Variants in AMT observed in about 807,000 individuals in gnomAD.
The protein encoded by AMT is aminomethyltransferase.
AMT carries 24 observed loss-of-function variants against 39.5 expected under a neutral mutation model. The ratio of observed to expected loss-of-function variants is 0.61; its 90% CI spans 0.44 to 0.86. The LOEUF is 0.86. AMT is among the 40% of genes least tolerant of loss of function. AMT has a pLI of 0.00. For synonymous variants in AMT, 210 were observed against 212.1 expected, an observed-to-expected ratio of 0.99 and a Z score of 0.09; for missense variants, 501 against 537.0, an observed-to-expected ratio of 0.93 and a Z score of 0.66.
rs972972652 is a variant in AMT, at chr3:49,417,597, C to G, written c.1155G>C (p.Gln385His). 6.2e-7 allele frequency: 1 copy of G among 1,614,144 alleles called. No individual in the cohort carries two copies. The highest frequency in any genetic ancestry group is 8.5e-7 in the Non-Finnish European group (1 of 1,179,970). Residue 385 changes from glutamine to histidine, a missense_variant, in exon 9 of 9, where the codon CAG becomes CAC. By Grantham distance (24) the Gln-to-His change is conservative. Transcript: ENST00000273588. ...MLLVEVRRKQQMAVVSKMPFV... is the reference protein window; with the variant it reads ...MLLVEVRRKQHMAVVSKMPFV... Reference sequence around the variant, plus strand: ...AGGGCATCTTGCTGACTACAGCCATCTGCTGCTTCCGCCGCACCTCTACCA... The same window carrying G: ...AGGGCATCTTGCTGACTACAGCCATGTGCTGCTTCCGCCGCACCTCTACCA...
rs921311833 is a variant in AMT at position 49,417,004 on chromosome 3, G to A, written c.*536C>T. 6.6e-5 allele frequency: 34 copies of A among 512,842 alleles called. No homozygotes were observed. The highest frequency in any genetic ancestry group is 1.2e-4 in the Non-Finnish European group (33 of 265,688). 31.8% of individuals were successfully genotyped at this position (512,842 alleles called of 1,614,324 possible). A position where few individuals can be genotyped will look rare whatever the true frequency, so the allele number is the denominator to read the frequency against. ...GGAAGAGTGAGTCTATGTTCCCTCA[G>A]CCATCCCCAAGTTTACACACAGGCA... is the stretch of plus-strand genomic sequence containing the variant. On this transcript the variant is annotated 3_prime_UTR_variant, in exon 9 of 9. Transcript: ENST00000273588.
intron 3 of AMT, 117 bp downstream of exon 3, chr3:49,421,375 A>C: frequency 1.2e-6 from 1 of 801,556 alleles, no homozygotes; most frequent in South Asian, 1.4e-5. Flanking sequence ...CCAAGACTGC[A>C]AGCCCTGAGA....
intron 2 of AMT, 32 bp from the exon 3 acceptor site, chr3:49,421,604 G>T: frequency 6.3e-7 from 1 of 1,585,832 alleles, no homozygotes; most frequent in Non-Finnish European, 8.7e-7. Flanking sequence ...TCAGGCCATT[G>T]CAACAGCTAC....
chr3:49,418,668 A>T (rs1282006949), intron 7 of AMT: 7 of 312,430 alleles, frequency 2.2e-5, no homozygotes, highest in Non-Finnish European at 3.7e-5. Context: ...TGCCCAGCTA[A>T]TTTTTTTTTT....
rs201643709 is a variant in AMT at position 49,422,187 on chromosome 3, C to T, written c.175G>A (p.Val59Met). Residue 59 changes from valine to methionine, a missense_variant, in exon 2 of 9, where the codon GTG becomes ATG. Val to Met is a conservative substitution (Grantham distance 21). Transcript: ENST00000273588. ...TCAGTGTGACTGTCCCGGTACTGCA[C>T]TGGCAGACTCCAACCCGCAAACGCC... ...MVAFAGWSLP[V>M]QYRDSHTDSH... 2 of 1,614,022 alleles carry T rather than the reference C, an allele frequency of 1.2e-6. No homozygotes were observed. The highest frequency in any genetic ancestry group is 2.2e-5 in the East Asian group (1 of 44,884).
chr3:49,418,289 T>C, intron 7 of AMT: 4 of 394,696 alleles, frequency 1.0e-5, no homozygotes, highest in South Asian at 7.3e-5. Context: ...TTCAAGCAAT[T>C]TACCTGCCTC....
At chr3:49,421,898 G>C in intron 2 of AMT, 1 of 778,060 alleles carries the variant, frequency 1.3e-6, no homozygotes, top group South Asian at 1.5e-5. Flanking sequence ...CCATTTAATG[G>C]GGGCAAGCTA....
chr3:49,421,924 G>A lies in AMT; in HGVS notation c.258+180C>T. On this transcript the variant is annotated intron_variant, in intron 2 of 8. Transcript: ENST00000273588. The stretch of plus-strand genomic sequence containing the variant: ...GGGCAAGCTAGAAGGATGAGATGAT[G>A]AGACCCTCTGAGCTCATTTCCTTGG... 3 of 864,124 alleles carry A rather than the reference G, an allele frequency of 3.5e-6. No individual in the cohort carries two copies. The South Asian group carries it at 4.2e-5, about 12-fold the overall frequency. 53.5% of individuals were successfully genotyped at this position (864,124 alleles called of 1,614,324 possible).
At position 49,419,793 on chromosome 3, in the gene AMT, AAGAC is replaced by A. The variant is rs1271835763; in HGVS notation, c.472-9_472-6del. On this transcript the variant is annotated splice_region_variant and splice_polypyrimidine_tract_variant and intron_variant, in intron 4 of 8. Transcript: ENST00000273588. ...CTGAAGCTCCCTGACCTTGTCCTAA[AAGAC>A]AGAAACACAAGAGCATCTGGGGCCA... is the stretch of plus-strand genomic sequence containing the variant. 8 of 1,614,042 alleles carry A rather than the reference AAGAC, an allele frequency of 5.0e-6. No individual in the cohort carries two copies. The highest frequency in any genetic ancestry group is 3.3e-5 in the South Asian group (3 of 91,084).
intron 3 of AMT, chr3:49,420,833 G>A (rs1464568): frequency 0.44 from 93,547 of 211,456 alleles, 23,190 homozygotes; most frequent in East Asian, 0.93. Context: ...AATCACCTGG[G>A]GATCTTGTTA....
chr3:49,421,674 C>T (rs1382045065), intron 2 of AMT, 102 bp from the exon 3 acceptor site: 7 of 1,086,578 alleles, frequency 6.4e-6, no homozygotes, highest in Non-Finnish European at 9.9e-6. Context: ...GCAGTCCAGC[C>T]CACCCAAAGT....
Position 49,419,715 on chromosome 3 carries a change from A to G in AMT, c.545T>C (p.Leu182Pro). The change falls in exon 5 of 9, where the codon CTG becomes CCG. Residue 182 changes from leucine to proline, a missense_variant. Leu to Pro is a moderately conservative substitution (Grantham distance 98). Coordinates refer to ENST00000273588, the MANE Select transcript of AMT (RefSeq NM_000481.4). Reference protein sequence around the residue: ...LEVLDNALLALQGPTAAQVLQ... With the variant: ...LEVLDNALLAPQGPTAAQVLQ... ...CCCCAGCCCAGCCCTCTCACCTTGC[A>G]GAGCTAGCAGGGCATTATCCAACAC... The G allele has an allele frequency of 6.2e-7, 1 of 1,614,162 alleles. No homozygotes were observed. Among genetic ancestry groups the G allele is most frequent in the Non-Finnish European group, 8.5e-7 (1 of 1,180,004 alleles).
In AMT at chr3:49,417,897, C is replaced by T. The variant is rs11715915; in HGVS notation, c.954G>A (p.Arg318=). The T allele has an allele frequency of 0.3, 478,693 of 1,613,826 alleles. 75,268 individuals carry two copies. Among genetic ancestry groups the T allele is most frequent in the Middle Eastern group, 0.32 (1,913 of 6,062 alleles). The change falls in exon 8 of 9, where the codon CGG becomes CGA. Residue 318 remains arginine (R), a synonymous_variant. Coordinates refer to ENST00000273588, the MANE Select transcript of AMT (RefSeq NM_000481.4). ...IVPQLKGRVQ[R]RRVGLMCEGA... is the part of the protein sequence containing the mutation. ...CCTCACACATCAACCCCACACGCCT[C>T]CGCTGCACCCTGCCCTTCAGCTGGG... is the stretch of plus-strand genomic sequence containing the variant.
At position 49,420,163 on chromosome 3, in the gene AMT, C is replaced by T. The variant is rs534223281; in HGVS notation, c.471+48G>A. The T allele has an allele frequency of 2.4e-5, 38 of 1,612,904 alleles. No individual in the cohort carries two copies. The Admixed American group carries it at 5.8e-4, about 25-fold the overall frequency. On this transcript the variant is annotated intron_variant, in intron 4 of 8. Transcript: ENST00000273588. The stretch of plus-strand genomic sequence containing the variant: ...CCTGTCTTGGACAACAAGGATACTG[C>T]TCTATGAACAAGGAAGACAAGGTGT...
intron 4 of AMT, 85 bp from the exon 5 acceptor site, chr3:49,419,873 G>A (rs2049069292): frequency 7.7e-7 from 1 of 1,299,880 alleles, no homozygotes. Flanking sequence ...GACAGTAGTA[G>A]GACAGTGGAG....
chr3:49,417,198 A>G lies in AMT; in HGVS notation c.*342T>C. 7.0e-7 allele frequency: 1 copy of G among 1,434,340 alleles called. No individual in the cohort carries two copies. The highest frequency in any genetic ancestry group is 1.2e-5 in the South Asian group (1 of 85,182). 88.9% of individuals were successfully genotyped at this position (1,434,340 alleles called of 1,614,324 possible). A position where few individuals can be genotyped will look rare whatever the true frequency, so the allele number is the denominator to read the frequency against. ...AGGTTGGGCAGGTTTTATCCTCTCC[A>G]CAAAGGTGAGCCTTTGCTCCACAGC... On this transcript the variant is annotated 3_prime_UTR_variant, in exon 9 of 9. Transcript: ENST00000273588.
Position 49,419,343 on chromosome 3 carries a change from T to G in AMT, c.613A>C (p.Met205Leu). Residue 205 changes from methionine to leucine, a missense_variant, in exon 6 of 9, where the codon ATG (methionine) becomes CTG (leucine). Coordinates refer to ENST00000273588, the MANE Select transcript of AMT (RefSeq NM_000481.4). Reference sequence around the variant, plus strand: ...AACACCTCCATCACAGCACTGGTCATGAAGGGCAGTTTCCTCAGGTCATCT... The same window carrying G: ...AACACCTCCATCACAGCACTGGTCAGGAAGGGCAGTTTCCTCAGGTCATCT... ...VADDLRKLPF[M>L]TSAVMEVFGV... 6.2e-7 allele frequency: 1 copy of G among 1,614,182 alleles called. No individual in the cohort carries two copies. The highest frequency in any genetic ancestry group is 1.1e-5 in the South Asian group (1 of 91,086).
chr3:49,421,323 C>T, intron 3 of AMT, 169 bp downstream of exon 3: 1 of 672,108 alleles, frequency 1.5e-6, no homozygotes. Context: ...ATTCCCCTCC[C>T]TACAAATGTC....
intron 3 of AMT, chr3:49,421,001 A>G: frequency 3.9e-6 from 1 of 253,594 alleles, no homozygotes; most frequent in Non-Finnish European, 7.8e-6. Flanking sequence ...CAGTGGTGCA[A>G]CCTCAGCTTG....
Sources: allele counts gnomAD v4.1 joint callset, GRCh38; gene constraint gnomAD v4.1.1; transcripts MANE v1.5; gene names NCBI Gene and HGNC (gene_info 2026-07-23, HGNC 2026-07-21).